The following ERC2 variants were observed in gnomAD, a reference collection of about 807,000 sequenced individuals.
ERC2 encodes ELKS/RAB6-interacting/CAST family member 2.
Under a neutral mutation model 114.8 loss-of-function variants are expected in ERC2, and 42 were observed. The observed-to-expected ratio is 0.37, with a 90% CI of 0.29 to 0.47. ERC2 has a LOEUF of 0.47. ERC2 is among the 20% of genes least tolerant of loss of function. The pLI is 0.99. For synonymous variants in ERC2, 454 were observed against 425.5 expected, an observed-to-expected ratio of 1.07 and a Z score of -0.82; for missense variants, 939 against 1,150.7, an observed-to-expected ratio of 0.82 and a Z score of 2.66.
intron 16 of ERC2, among the ~76,000 whole-genome samples, chr3:55,687,199 G>A (rs1162135998): frequency 6.6e-6 from 1 of 152,168 alleles, no homozygotes; most frequent in East Asian, 1.9e-4. Context: ...CTGAGTCATC[G>A]TTGACAAGAC....
intron 14 of ERC2, among the ~76,000 whole-genome samples, chr3:55,817,752 G>A (rs573127979): frequency 6.6e-6 from 1 of 152,314 alleles, no homozygotes; most frequent in Admixed American, 6.5e-5. Context: ...CCATTTTATA[G>A]TATCCGTTCA....
At chr3:55,743,997 G>T (rs1251602110) in intron 14 of ERC2, among the ~76,000 whole-genome samples, 1 of 152,160 alleles carries the variant, frequency 6.6e-6, no homozygotes, top group Non-Finnish European at 1.5e-5. Flanking sequence ...GTAACAAAAG[G>T]ACCAAAGGTT....
At chr3:55,843,134 G>T (rs149087638) in intron 14 of ERC2, among the ~76,000 whole-genome samples, 1 of 152,178 alleles carries the variant, frequency 6.6e-6, no homozygotes, top group African/African-American at 2.4e-5. Context: ...TTTGGGCCAA[G>T]GTATGAGCAC....
intron 2 of ERC2, among the ~76,000 whole-genome samples, chr3:56,406,788 C>T (rs1246049132): frequency 6.6e-6 from 1 of 152,040 alleles, no homozygotes; most frequent in Non-Finnish European, 1.5e-5. Context: ...TCAATAAATG[C>T]AAAAACTCTT....
intron 4 of ERC2, among the ~76,000 whole-genome samples, chr3:56,159,904 C>T (rs1185397020): frequency 6.6e-6 from 1 of 152,138 alleles, no homozygotes; most frequent in Non-Finnish European, 1.5e-5. Context: ...TCATCTAGTA[C>T]ACCATTAATG....
chr3:56,351,494 A>C (rs983081703), intron 2 of ERC2, among the ~76,000 whole-genome samples: 1 of 152,230 alleles, frequency 6.6e-6, no homozygotes, highest in Non-Finnish European at 1.5e-5. Flanking sequence ...CACCTGAAAG[A>C]AAGGGAAAGA....
chr3:56,265,316 T>C (rs1468527945), intron 3 of ERC2, among the ~76,000 whole-genome samples: 2 of 152,170 alleles, frequency 1.3e-5, no homozygotes, highest in East Asian at 3.8e-4. Context: ...TATGGTCAAC[T>C]AATTTTCAAC....
At chr3:55,733,159 T>C (rs2065365397) in intron 15 of ERC2, among the ~76,000 whole-genome samples, 1 of 151,904 alleles carries the variant, frequency 6.6e-6, no homozygotes, top group South Asian at 2.1e-4. Flanking sequence ...GAGAGGAGGG[T>C]GCAGGGAAGG....
At chr3:55,615,639 G>A (rs1376347536) in intron 17 of ERC2, among the ~76,000 whole-genome samples, 5 of 151,774 alleles carry the variant, frequency 3.3e-5, no homozygotes, top group Non-Finnish European at 5.9e-5. Context: ...AAAACTGTAA[G>A]GAGAAAAAAA....
chr3:55,713,465 C>A (rs1298101278), intron 15 of ERC2, among the ~76,000 whole-genome samples: 1 of 152,106 alleles, frequency 6.6e-6, no homozygotes, highest in Non-Finnish European at 1.5e-5. Context: ...GATTGGCCCA[C>A]CTCGGCCTCC....
intron 17 of ERC2, among the ~76,000 whole-genome samples, chr3:55,585,646 T>TG (rs1230643090): frequency 2.0e-5 from 3 of 152,224 alleles, no homozygotes; most frequent in African/African-American, 7.2e-5. Flanking sequence ...GAGAGCTCTT[T>TG]GGGGGGACCC....
chr3:56,155,927 G>T (rs1200816864), intron 4 of ERC2, among the ~76,000 whole-genome samples: 1 of 152,148 alleles, frequency 6.6e-6, no homozygotes, highest in African/African-American at 2.4e-5. Flanking sequence ...TGAGGAGTTG[G>T]AAATGAAAGG....
chr3:55,812,649 G>A (rs1321499859), intron 14 of ERC2, among the ~76,000 whole-genome samples: 3 of 152,202 alleles, frequency 2.0e-5, no homozygotes, highest in African/African-American at 4.8e-5. Context: ...CTTAAAAGCG[G>A]GGGAAGGGAG....
chr3:56,162,581 T>G (rs2082107367), intron 4 of ERC2, among the ~76,000 whole-genome samples: 1 of 152,188 alleles, frequency 6.6e-6, no homozygotes, highest in Admixed American at 6.5e-5. Context: ...TTTCCGTGTT[T>G]CTAAGTCTTC....
chr3:56,019,582 G>A (rs2149591529), intron 7 of ERC2, among the ~76,000 whole-genome samples: 1 of 152,258 alleles, frequency 6.6e-6, no homozygotes, highest in African/African-American at 2.4e-5. Context: ...GTTATCACCA[G>A]CAGACTGTTA....
chr3:56,038,115 C>G (rs2074917824), intron 7 of ERC2, among the ~76,000 whole-genome samples: 1 of 152,044 alleles, frequency 6.6e-6, no homozygotes, highest in African/African-American at 2.4e-5. Flanking sequence ...TTCTACACAG[C>G]AAAAGAAACT....
intron 6 of ERC2, among the ~76,000 whole-genome samples, chr3:56,084,360 T>C (rs563654063): frequency 7.2e-5 from 11 of 152,328 alleles, no homozygotes; most frequent in Middle Eastern, 3.4e-3. Context: ...ACTGGGTATC[T>C]ACCCAAAAGG....
chr3:56,346,162 C>A (rs186752990), intron 2 of ERC2, among the ~76,000 whole-genome samples: 1 of 152,096 alleles, frequency 6.6e-6, no homozygotes, highest in Non-Finnish European at 1.5e-5. Context: ...CAGTGTAACA[C>A]TTTGAATAAA....
chr3:56,176,844 A>G (rs1364367150), intron 3 of ERC2, among the ~76,000 whole-genome samples: 2 of 152,194 alleles, frequency 1.3e-5, no homozygotes, highest in African/African-American at 4.8e-5. Context: ...AGGAGGCCCC[A>G]CAACCACTAC....
Sources: gnomAD v4.1 joint callset for allele counts (sites outside exome capture counted in the v4.1 genomes callset) on GRCh38, gnomAD v4.1.1 for gene constraint, MANE v1.5 for transcripts, NCBI Gene and HGNC (gene_info 2026-07-23, HGNC 2026-07-21) for gene names.